KLRG1: variants seen among roughly 807,000 people sequenced by gnomAD.
The protein encoded by KLRG1 is killer cell lectin-like receptor subfamily G member 1.
Under a neutral mutation model 21.8 loss-of-function variants are expected in KLRG1, and 16 were observed. The observed-to-expected ratio is 0.73, with a 90% CI of 0.50 to 1.11. KLRG1 has a LOEUF of 1.11. Ranked by LOEUF, KLRG1 falls within the 50% of genes most tolerant of loss-of-function variation. The pLI, the probability that KLRG1 is intolerant of heterozygous loss-of-function variation, is 0.00. For missense variants in KLRG1, 173 were observed against 218.3 expected (o/e 0.79, Z 1.31); for synonymous variants, 69 against 75.9 (o/e 0.91, Z 0.47).
the KLRG1 span, among the ~76,000 whole-genome samples, chr12:9,044,893 T>G: frequency 1.3e-5 from 2 of 152,224 alleles, no homozygotes; most frequent in South Asian, 2.1e-4. Flanking sequence ...TAAATTGACA[T>G]GTATTAGGAT....
chr12:9,129,452 G>A, the KLRG1 span, among the ~76,000 whole-genome samples: 1 of 151,954 alleles, frequency 6.6e-6, no homozygotes, highest in African/African-American at 2.4e-5. Flanking sequence ...ATATAAGTAT[G>A]AAGAAAATAT....
Position 8,963,868 on chromosome 12 carries a change from G to A in KLRG1, c.-156+13632G>A, listed in dbSNP as rs187685966. ...CTGATGGTAGTTTGTATTTCTGTGG[G>A]GTCAGTGGTGATATCCCCTTTATCA... On this transcript the variant is annotated intron_variant, in intron 1 of 4. Transcript: ENST00000539240. Among the ~76,000 whole-genome samples, 752 of 152,102 alleles carry A rather than the reference G, an allele frequency of 4.9e-3. 11 individuals carry two copies. The highest frequency in any genetic ancestry group is 0.017 in the African/African-American group (689 of 41,502).
At chr12:9,016,891 G>A in the KLRG1 span, among the ~76,000 whole-genome samples, 48 of 152,212 alleles carry the variant, frequency 3.2e-4, no homozygotes, top group East Asian at 8.3e-3. Flanking sequence ...TGGTATTACA[G>A]GCGTGAAACA....
upstream of KLRG1, among the ~76,000 whole-genome samples, chr12:8,986,786 T>C (rs974941529): frequency 1.3e-5 from 2 of 152,150 alleles, no homozygotes; most frequent in African/African-American, 4.8e-5. Flanking sequence ...TGGGGCCTGG[T>C]GGGAGGTGAT....
chr12:9,184,561 G>A, the KLRG1 span, among the ~76,000 whole-genome samples: 309 of 152,346 alleles, frequency 2.0e-3, no homozygotes, highest in African/African-American at 6.9e-3. Context: ...GCTGATGAGC[G>A]TGTACCCCAC....
chr12:9,208,503 G>T, the KLRG1 span: 1 of 576,034 alleles, frequency 1.7e-6, no homozygotes. Context: ...CCCTAAAAGG[G>T]TCATTACTCT....
At chr12:9,082,893 T>C in the KLRG1 span, among the ~76,000 whole-genome samples, 140 of 152,352 alleles carry the variant, frequency 9.2e-4, no homozygotes, top group African/African-American at 3.3e-3. Context: ...TGTGCATGTG[T>C]CTTTATAGCA....
Position 8,972,959 on chromosome 12 carries a change from G to A in KLRG1, c.-155-19247G>A, listed in dbSNP as rs754059840. Among the ~76,000 whole-genome samples, 11 of 152,066 alleles carry A rather than the reference G, an allele frequency of 7.2e-5. No individual in the cohort carries two copies. In the South Asian group the frequency reaches 2.3e-3, roughly 32 times the overall value. On this transcript the variant is annotated intron_variant, in intron 1 of 4. Transcript: ENST00000539240. ...AGTTCGAGACCAGCCTGGGCAACATGGTGAAATCCTATCTCTACTAAAAAT... is the reference window on the plus strand; with the variant it reads ...AGTTCGAGACCAGCCTGGGCAACATAGTGAAATCCTATCTCTACTAAAAAT...
At position 9,009,726 on chromosome 12, in the gene KLRG1, T is replaced by C. The variant is rs192143435; in HGVS notation, c.*189T>C. 2,791 of 1,421,312 alleles carry C rather than the reference T, an allele frequency of 2.0e-3. 6 individuals are homozygous for C. Among genetic ancestry groups the C allele is most frequent in the Middle Eastern group, 4.2e-3 (16 of 3,840 alleles). 88.0% of individuals were successfully genotyped at this position (1,421,312 alleles called of 1,614,324 possible). The stretch of plus-strand genomic sequence containing the variant: ...CTGATGGATTCTCTTTGAGACTATT[T>C]AGATATTATGTGAGCAATTTAAAGA... On this transcript the variant is annotated 3_prime_UTR_variant, in exon 5 of 5. Transcript: ENST00000356986.
At chr12:9,090,576 C>T in the KLRG1 span, 2 of 1,344,048 alleles carry the variant, frequency 1.5e-6, no homozygotes, top group African/African-American at 1.5e-5. Context: ...GGTTAGATTT[C>T]AGGTTGCCTC....
chr12:9,095,783 C>T, the KLRG1 span: 32 of 1,218,030 alleles, frequency 2.6e-5, no homozygotes, highest in Admixed American at 5.0e-4. Flanking sequence ...GACGGAGTCT[C>T]GCTCTGTCGC....
the KLRG1 span, among the ~76,000 whole-genome samples, chr12:9,102,207 G>A: frequency 6.6e-6 from 1 of 152,094 alleles, no homozygotes; most frequent in African/African-American, 2.4e-5. Context: ...GCTATCTTAG[G>A]CTGATTGCTA....
chr12:8,990,489 A>T lies in KLRG1; in HGVS notation c.82+772A>T, dbSNP rs748123912. 3 of 152,198 alleles carry T rather than the reference A, an allele frequency of 2.0e-5. No individual in the cohort carries two copies. The East Asian group carries it at 5.8e-4, about 29-fold the overall frequency. 9.4% of individuals were successfully genotyped at this position (152,198 alleles called of 1,614,324 possible). On this transcript the variant is annotated intron_variant, in intron 1 of 4. Transcript: ENST00000356986. ...CTATTATAATTTTTAATGTCTTTTGAGAGTGTTGCCTTAATTTGCTAAATC... is the reference window on the plus strand; with the variant it reads ...CTATTATAATTTTTAATGTCTTTTGTGAGTGTTGCCTTAATTTGCTAAATC...
the KLRG1 span, chr12:9,160,023 A>T: frequency 6.2e-7 from 1 of 1,613,232 alleles, no homozygotes; most frequent in South Asian, 1.1e-5. Flanking sequence ...TGTCTCTGGT[A>T]ACCTGAAATG....
chr12:8,996,182 C>T (rs1268727846), intron 3 of KLRG1, among the ~76,000 whole-genome samples: 1 of 152,020 alleles, frequency 6.6e-6, no homozygotes, highest in Non-Finnish European at 1.5e-5. Flanking sequence ...TGTGTGGTGG[C>T]CTCCACTTCC....
At chr12:9,165,492 A>T in the KLRG1 span, 1 of 1,065,294 alleles carries the variant, frequency 9.4e-7, no homozygotes, top group Non-Finnish European at 1.4e-6. Context: ...GCGAGTGTGC[A>T]TTCGTGTGAA....
At chr12:8,983,656 C>T (rs1163259294) in intron 1 of KLRG1, among the ~76,000 whole-genome samples, 1 of 152,098 alleles carries the variant, frequency 6.6e-6, no homozygotes, top group African/African-American at 2.4e-5. Flanking sequence ...GTGCCTTGGT[C>T]TCCTAAAGTG....
At chr12:9,100,498 C>T in the KLRG1 span, among the ~76,000 whole-genome samples, 1 of 151,958 alleles carries the variant, frequency 6.6e-6, no homozygotes, top group African/African-American at 2.4e-5. Flanking sequence ...AGGCTGGTCT[C>T]AAACTCCTGA....
chr12:9,003,489 C>A (rs1947366878), intron 3 of KLRG1, among the ~76,000 whole-genome samples: 2 of 151,902 alleles, frequency 1.3e-5, no homozygotes, highest in Non-Finnish European at 1.5e-5. Flanking sequence ...AAAATCCATT[C>A]TTTTTTTCCT....
Sources: gnomAD v4.1 joint callset for allele counts (sites outside exome capture counted in the v4.1 genomes callset) on GRCh38, gnomAD v4.1.1 for gene constraint, MANE v1.5 for transcripts, NCBI Gene and HGNC (gene_info 2026-07-23, HGNC 2026-07-21) for gene names.